The following GALNTL6 variants were observed in gnomAD, a reference collection of about 807,000 sequenced individuals.
The protein encoded by GALNTL6 is polypeptide N-acetylgalactosaminyltransferase like 6.
GALNTL6 carries 46 observed loss-of-function variants against 73.7 expected under a neutral mutation model. That is an observed-to-expected ratio of 0.62 (90% confidence interval 0.49 to 0.80). The LOEUF (loss-of-function observed/expected upper bound fraction) is 0.80, where lower values mean the gene tolerates loss of function less well. Among genes scored for constraint, GALNTL6 ranks in the 30% least tolerant of loss-of-function variants. The pLI, the probability that GALNTL6 is intolerant of heterozygous loss-of-function variation, is 0.00. For synonymous variants in GALNTL6, 259 were observed against 263.7 expected, an observed-to-expected ratio of 0.98 and a Z score of 0.17; for missense variants, 604 against 755.0, an observed-to-expected ratio of 0.80 and a Z score of 2.34.
At chr4:172,444,853 GA>G (rs559488658) in intron 5 of GALNTL6, among the ~76,000 whole-genome samples, 4 of 150,080 alleles carry the variant, frequency 2.7e-5, no homozygotes, top group Admixed American at 1.3e-4. Flanking sequence ...TTAGAATGAG[GA>G]AAAAAAAACT....
At chr4:172,892,305 T>C (rs1384370726) in intron 8 of GALNTL6, among the ~76,000 whole-genome samples, 3 of 152,194 alleles carry the variant, frequency 2.0e-5, no homozygotes, top group Non-Finnish European at 4.4e-5. Context: ...GGATGAGGCC[T>C]TTTGTTTTTA....
At chr4:172,322,623 G>C (rs1407345598) in intron 4 of GALNTL6, among the ~76,000 whole-genome samples, 1 of 152,078 alleles carries the variant, frequency 6.6e-6, no homozygotes, top group Non-Finnish European at 1.5e-5. Flanking sequence ...CTTCATGGTA[G>C]AGCAGGAGAG....
At chr4:171,993,782 G>GA (rs1740408245) in intron 2 of GALNTL6, among the ~76,000 whole-genome samples, 3 of 151,364 alleles carry the variant, frequency 2.0e-5, no homozygotes, top group African/African-American at 7.3e-5. Flanking sequence ...AAAACTTGGA[G>GA]AAAGACATTA....
At chr4:172,201,189 GGTTTGTTTGTTATT>G (rs939189944) in intron 2 of GALNTL6, among the ~76,000 whole-genome samples, 2 of 142,016 alleles carry the variant, frequency 1.4e-5, no homozygotes, top group Non-Finnish European at 3.0e-5. Context: ...TTTTTTTTTT[GGTTTGTTTGTTATT>G]GTTTGTTTTG....
intron 2 of GALNTL6, among the ~76,000 whole-genome samples, chr4:171,871,618 G>A (rs75470220): frequency 2.6e-5 from 4 of 152,032 alleles, no homozygotes; most frequent in Non-Finnish European, 5.9e-5. Flanking sequence ...AAGCAAAAAT[G>A]TATAATGAAT....
intron 2 of GALNTL6, among the ~76,000 whole-genome samples, chr4:172,103,216 T>G (rs912962330): frequency 2.6e-5 from 4 of 152,190 alleles, no homozygotes; most frequent in African/African-American, 9.7e-5. Flanking sequence ...TCAGAGTTGC[T>G]GATGACCAGG....
intron 2 of GALNTL6, among the ~76,000 whole-genome samples, chr4:171,951,819 T>G (rs1253631703): frequency 2.0e-5 from 3 of 152,026 alleles, no homozygotes; most frequent in African/African-American, 7.2e-5. Flanking sequence ...AGTATAGAAC[T>G]TTAATAACAT....
chr4:172,851,415 TATAC>T (rs1031720099), intron 7 of GALNTL6, among the ~76,000 whole-genome samples: 13 of 94,962 alleles, frequency 1.4e-4, no homozygotes, highest in Middle Eastern at 4.9e-3. Context: ...TATATATATA[TATAC>T]ACACACACAC....
At chr4:172,127,737 A>C (rs955875860) in intron 2 of GALNTL6, among the ~76,000 whole-genome samples, 1 of 152,216 alleles carries the variant, frequency 6.6e-6, no homozygotes, top group Non-Finnish European at 1.5e-5. Flanking sequence ...TGTTATACAA[A>C]CAAAAATCAT....
chr4:172,136,013 T>C (rs1733627500), intron 2 of GALNTL6, among the ~76,000 whole-genome samples: 1 of 152,196 alleles, frequency 6.6e-6, no homozygotes, highest in Non-Finnish European at 1.5e-5. Context: ...CCTATCAAAG[T>C]CCACTTCTTG....
intron 2 of GALNTL6, among the ~76,000 whole-genome samples, chr4:172,116,616 C>T (rs1732991756): frequency 6.6e-6 from 1 of 152,096 alleles, no homozygotes; most frequent in African/African-American, 2.4e-5. Context: ...CCTCTGAGAG[C>T]TTGAGAATGG....
At chr4:172,126,503 C>T (rs1733297693) in intron 2 of GALNTL6, among the ~76,000 whole-genome samples, 1 of 152,092 alleles carries the variant, frequency 6.6e-6, no homozygotes, top group African/African-American at 2.4e-5. Context: ...GTGTAAGGGA[C>T]ACGAGGAACA....
At chr4:172,546,781 G>A (rs143688522) in intron 5 of GALNTL6, among the ~76,000 whole-genome samples, 663 of 1,966 alleles carry the variant, frequency 0.34, 5 homozygotes, top group Middle Eastern at 0.5. Flanking sequence ...TTTCAACTCC[G>A]CTTTATATAT....
At chr4:171,907,564 A>C (rs994438425) in intron 2 of GALNTL6, among the ~76,000 whole-genome samples, 1 of 152,028 alleles carries the variant, frequency 6.6e-6, no homozygotes, top group Non-Finnish European at 1.5e-5. Context: ...AAATGGCCAT[A>C]CTGTCCAAGG....
At position 171,962,765 on chromosome 4, in the gene GALNTL6, C is replaced by CTTTTTTTTTTTTT. The variant is rs139917729; in HGVS notation, c.138+148053_138+148065dup. 1.1e-4 allele frequency among the ~76,000 whole-genome samples: 13 copies of CTTTTTTTTTTTTT among 113,802 alleles called. 1 individual carries two copies. The highest frequency in any genetic ancestry group is 2.3e-4 in the Admixed American group (2 of 8,628). 74.7% of individuals were successfully genotyped at this position (113,802 alleles called of 152,430 possible). ...TACTTTCTTAATAAGCTTGCTTTTA[C>CTTTTTTTTTTTTT]TTTTTTTTTTTTTTTTTTGTGAGAT... On this transcript the variant is annotated intron_variant, in intron 2 of 12. Transcript: ENST00000506823.
At chr4:172,433,384 C>G (rs991228626) in intron 5 of GALNTL6, among the ~76,000 whole-genome samples, 4 of 152,100 alleles carry the variant, frequency 2.6e-5, no homozygotes, top group African/African-American at 9.7e-5. Context: ...CCACCTCATA[C>G]ACTTATCATG....
At chr4:171,850,830 C>G (rs1034322694) in intron 2 of GALNTL6, among the ~76,000 whole-genome samples, 1 of 152,072 alleles carries the variant, frequency 6.6e-6, no homozygotes, top group Non-Finnish European at 1.5e-5. Flanking sequence ...TCTGTTCAGT[C>G]TGCTGGGGAA....
intron 5 of GALNTL6, among the ~76,000 whole-genome samples, chr4:172,616,806 G>T (rs1466385970): frequency 1.3e-5 from 2 of 152,174 alleles, no homozygotes; most frequent in Admixed American, 6.5e-5. Flanking sequence ...ACGTCCCTCA[G>T]TGGGCTGAAT....
intron 5 of GALNTL6, among the ~76,000 whole-genome samples, chr4:172,451,909 G>A (rs1732227068): frequency 6.6e-6 from 1 of 152,102 alleles, no homozygotes; most frequent in South Asian, 2.1e-4. Context: ...TGCTCGAGAG[G>A]CTGAGGCAAA....
Sources: gnomAD v4.1 joint callset for allele counts (sites outside exome capture counted in the v4.1 genomes callset) on GRCh38, gnomAD v4.1.1 for gene constraint, MANE v1.5 for transcripts, NCBI Gene and HGNC (gene_info 2026-07-23, HGNC 2026-07-21) for gene names.